RRP12: variants seen among roughly 807,000 people sequenced by gnomAD.
The protein encoded by RRP12 is RRP12-like protein.
RRP12 carries 78 observed loss-of-function variants against 157.3 expected under a neutral mutation model. The ratio of observed to expected loss-of-function variants is 0.50; its 90% CI spans 0.41 to 0.60. RRP12 has a LOEUF of 0.60. RRP12 is among the 20% of genes least tolerant of loss of function. The probability of loss-of-function intolerance (pLI) is 0.00; values close to 1 mark genes in which losing one functional copy is unlikely to be tolerated. For synonymous variants in RRP12, 726 were observed against 670.9 expected (o/e 1.08, Z -1.27); for missense variants, 1,521 against 1,679.9 (o/e 0.91, Z 1.65).
At position 97,400,357 on chromosome 10, in the gene RRP12, G is replaced by C. The variant is rs769768023; in HGVS notation, c.317C>G (p.Thr106Ser). Residue 106 changes from threonine to serine, a missense_variant, in exon 2 of 34, where the codon ACC (threonine) becomes AGC (serine). Thr to Ser is a moderately conservative substitution (Grantham distance 58). Coordinates refer to ENST00000370992, the MANE Select transcript of RRP12 (RefSeq NM_015179.4). ...CCAGAAGCGCTGTACTTTGCTGAAG[G>C]TGACGTTTGTGCAGTCGGAAAGGCC... ...LSGLSDCTNV[T>S]FSKVQRFWES... The C allele has an allele frequency of 5.6e-6, 9 of 1,613,708 alleles. No individual in the cohort carries two copies. The highest frequency in any genetic ancestry group is 7.6e-6 in the Non-Finnish European group (9 of 1,180,002).
At chr10:97,393,421 T>G in intron 4 of RRP12, 3 of 612,992 alleles carry the variant, frequency 4.9e-6, no homozygotes, top group African/African-American at 1.8e-5. Context: ...CACGTGAAGA[T>G]TTTGGTGCTT....
chr10:97,398,570 C>T (rs1356809186), intron 2 of RRP12, among the ~76,000 whole-genome samples: 5 of 150,770 alleles, frequency 3.3e-5, no homozygotes, highest in Non-Finnish European at 5.9e-5. Flanking sequence ...TGGTCTCAAA[C>T]TCTTGACCTC....
intron 25 of RRP12, 94 bp downstream of exon 25, chr10:97,369,329 AAT>A: frequency 1.5e-6 from 2 of 1,313,980 alleles, no homozygotes; most frequent in Non-Finnish European, 1.1e-6. Context: ...CTACAAAAAA[AAT>A]AGTTTGAAAC....
At chr10:97,395,027 CAA>C (rs1844916677) in intron 3 of RRP12, among the ~76,000 whole-genome samples, 1 of 151,874 alleles carries the variant, frequency 6.6e-6, no homozygotes, top group Non-Finnish European at 1.5e-5. Context: ...CCTGTAATTC[CAA>C]CTACTCAGGA....
At chr10:97,390,259 G>A (rs977238217) in intron 6 of RRP12, among the ~76,000 whole-genome samples, 164 bp downstream of exon 6, 13 of 152,174 alleles carry the variant, frequency 8.5e-5, no homozygotes, top group Admixed American at 3.9e-4. Context: ...AGGAAGAGCC[G>A]CCCTGCCTTC....
At chr10:97,386,748 T>C (rs10882916) in intron 8 of RRP12, among the ~76,000 whole-genome samples, 58,098 of 151,994 alleles carry the variant, frequency 0.38, 11,571 homozygotes, top group African/African-American at 0.5. Flanking sequence ...CCCAGCACTT[T>C]GGGAGGCCGA....
In RRP12 at chr10:97,381,790, G is replaced by T; in HGVS notation, c.1245C>A (p.Arg415=). Residue 415 remains arginine, a synonymous_variant, in exon 11 of 34, where the codon CGC becomes CGA. Transcript: ENST00000370992. ...QWDLGLGHLP[R]FFGTAVTCLL... ...GGCAGGTCACCGCAGTTCCAAAAAAGCGAGGGAGGTGGCCTAGCCCCAGGT... is the reference window on the plus strand; with the variant it reads ...GGCAGGTCACCGCAGTTCCAAAAAATCGAGGGAGGTGGCCTAGCCCCAGGT... 2 of 1,614,192 alleles carry T rather than the reference G, an allele frequency of 1.2e-6. No individual in the cohort carries two copies. Among genetic ancestry groups the T allele is most frequent in the Non-Finnish European group, 1.7e-6 (2 of 1,180,022 alleles).
intron 19 of RRP12, 134 bp from the exon 20 acceptor site, chr10:97,372,300 G>C: frequency 1.6e-6 from 1 of 607,386 alleles, no homozygotes; most frequent in Non-Finnish European, 2.9e-6. Flanking sequence ...AGGAGCTCAT[G>C]AACAATAATA....
At chr10:97,357,511 C>T (rs558335447) in intron 33 of RRP12, among the ~76,000 whole-genome samples, 4 of 152,274 alleles carry the variant, frequency 2.6e-5, no homozygotes, top group South Asian at 2.1e-4. Context: ...ACTTACAACC[C>T]GCAGAAGCTA....
At chr10:97,364,046 C>T in intron 29 of RRP12, 143 bp from the exon 30 acceptor site, 1 of 712,026 alleles carries the variant, frequency 1.4e-6, no homozygotes, top group South Asian at 1.6e-5. Flanking sequence ...CAATATCATC[C>T]TTCTGCTAGA....
In RRP12 at chr10:97,373,663, C is replaced by T. The variant is rs143648120; in HGVS notation, c.1938G>A (p.Thr646=). Residue 646 remains threonine (T), a synonymous_variant, in exon 17 of 34, where the codon ACG becomes ACA. Coordinates refer to ENST00000370992, the MANE Select transcript of RRP12 (RefSeq NM_015179.4). ...VAISFKGLAR[T]LGMAISERPD... ...GACGCTCGCTGATGGCCATGCCCAG[C>T]GTCCGTGCCAGCCCTTTGAAGGAGA... The T allele has an allele frequency of 9.3e-6, 15 of 1,613,908 alleles. No individual in the cohort carries two copies. The East Asian group carries it at 1.3e-4, about 14-fold the overall frequency.
chr10:97,379,592 G>A, intron 14 of RRP12, 36 bp downstream of exon 14: 4 of 1,610,422 alleles, frequency 2.5e-6, no homozygotes, highest in Non-Finnish European at 3.4e-6. Flanking sequence ...GAACAAGCCT[G>A]GGGCTTGTCA....
intron 15 of RRP12, 58 bp downstream of exon 15, chr10:97,379,235 T>C: frequency 6.3e-7 from 1 of 1,594,542 alleles, no homozygotes; most frequent in Non-Finnish European, 8.6e-7. Flanking sequence ...ATCCCTTCTG[T>C]GGAGGTTCCA....
rs147516563 is a variant in RRP12, at chr10:97,393,732, G to A, written c.482C>T (p.Pro161Leu). The A allele has an allele frequency of 2.9e-5, 46 of 1,613,666 alleles. No individual in the cohort carries two copies. The highest frequency in any genetic ancestry group is 1.1e-4 in the African/African-American group (8 of 75,004). ...GTAAGCAACGGCGGCCAGGGACTCC[G>A]GGGACTCCACTGCTTCCATTGTTGT... Reference protein sequence around the residue: ...LMTTMEAVESPESLAAVAYLL... With the variant: ...LMTTMEAVESLESLAAVAYLL... The change falls in exon 4 of 34, where the codon CCG becomes CTG. Residue 161 changes from proline to leucine, a missense_variant. Physicochemically the swap from Pro to Leu is moderately conservative, Grantham distance 98. Coordinates refer to ENST00000370992, the MANE Select transcript of RRP12 (RefSeq NM_015179.4).
In RRP12 at chr10:97,380,819, C is replaced by T. The variant is rs141282535; in HGVS notation, c.1513G>A (p.Ala505Thr). The change falls in exon 13 of 34, where the codon GCC becomes ACC. Residue 505 changes from alanine (A) to threonine (T), a missense_variant. Coordinates refer to ENST00000370992, the MANE Select transcript of RRP12 (RefSeq NM_015179.4). ...CVFFEACGRQ[A>T]HPVMRKCLQS... Reference sequence around the variant, plus strand: ...CTCACCTTCCTCATCACAGGGTGGGCCTGTCTCCCACACGCCTCGAAGAAG... The same window carrying T: ...CTCACCTTCCTCATCACAGGGTGGGTCTGTCTCCCACACGCCTCGAAGAAG... The T allele has an allele frequency of 4.0e-4, 641 of 1,613,836 alleles. 6 individuals carry two copies. The highest frequency in any genetic ancestry group is 9.5e-4 in the Admixed American group (57 of 60,026).
At chr10:97,367,199 C>T in intron 25 of RRP12, 67 bp from the exon 26 acceptor site, 1 of 1,371,640 alleles carries the variant, frequency 7.3e-7, no homozygotes, top group South Asian at 1.2e-5. Context: ...TTACTGCTGT[C>T]CAGCCCAGGG....
chr10:97,380,802 C>T lies in RRP12; in HGVS notation c.1530G>A (p.Arg510=), dbSNP rs375727600. ...ACGRQAHPVM[R]KCLQSLCDLR... is the part of the protein sequence containing the mutation. Reference sequence around the variant, plus strand: ...GCCCCAGCCGCTCCCCACTCACCTTCCTCATCACAGGGTGGGCCTGTCTCC... The same window carrying T: ...GCCCCAGCCGCTCCCCACTCACCTTTCTCATCACAGGGTGGGCCTGTCTCC... The change falls in exon 13 of 34, where the codon AGG becomes AGA. Residue 510 remains arginine, a synonymous_variant. Coordinates refer to ENST00000370992, the MANE Select transcript of RRP12 (RefSeq NM_015179.4). 1 of 1,612,390 alleles carries T rather than the reference C, an allele frequency of 6.2e-7. No individual in the cohort carries two copies. Among genetic ancestry groups the T allele is most frequent in the African/African-American group, 1.3e-5 (1 of 75,026 alleles).
intron 13 of RRP12, 89 bp downstream of exon 13, chr10:97,380,710 A>G (rs1844441908): frequency 2.2e-6 from 2 of 915,166 alleles, no homozygotes; most frequent in Non-Finnish European, 3.6e-6. Context: ...AGCAGGGTGC[A>G]GAGATAACAG....
intron 9 of RRP12, 35 bp downstream of exon 9, chr10:97,385,860 A>C: frequency 6.8e-7 from 1 of 1,462,324 alleles, no homozygotes; most frequent in Non-Finnish European, 9.4e-7. Context: ...ACCACCCCCG[A>C]CCTAATGCCC....
Sources: gnomAD v4.1 joint callset for allele counts (sites outside exome capture counted in the v4.1 genomes callset) on GRCh38, gnomAD v4.1.1 for gene constraint, MANE v1.5 for transcripts, NCBI Gene and HGNC (gene_info 2026-07-23, HGNC 2026-07-21) for gene names.